Variants in PTPRD observed in about 807,000 individuals in gnomAD.
PTPRD encodes receptor-type tyrosine-protein phosphatase delta.
A neutral mutation model predicts 214.5 loss-of-function variants in PTPRD; 34 were observed. The observed-to-expected ratio is 0.16, with a 90% CI of 0.12 to 0.21. PTPRD has a LOEUF of 0.21. PTPRD is among the 10% of genes least tolerant of loss of function. The probability of loss-of-function intolerance (pLI) is 1.00; values close to 1 mark genes in which losing one functional copy is unlikely to be tolerated. For synonymous variants in PTPRD, 1,128 were observed against 845.7 expected, an observed-to-expected ratio of 1.33 and a Z score of -5.79; for missense variants, 2,545 against 2,398.7, an observed-to-expected ratio of 1.06 and a Z score of -1.27.
At chr9:10,386,923 T>C (rs1304215614) in intron 2 of PTPRD, among the ~76,000 whole-genome samples, 1 of 151,656 alleles carries the variant, frequency 6.6e-6, no homozygotes, top group Non-Finnish European at 1.5e-5. Flanking sequence ...CCAAAGGTCA[T>C]TACAAGATGG....
At chr9:10,303,805 T>C (rs2095953180) in intron 3 of PTPRD, among the ~76,000 whole-genome samples, 1 of 152,128 alleles carries the variant, frequency 6.6e-6, no homozygotes, top group Admixed American at 6.5e-5. Flanking sequence ...CAGGACCAGA[T>C]GGATTCACAG....
intron 2 of PTPRD, among the ~76,000 whole-genome samples, chr9:10,597,557 A>C (rs2076905233): frequency 6.6e-6 from 1 of 151,816 alleles, no homozygotes; most frequent in African/African-American, 2.4e-5. Flanking sequence ...GCATGACTTG[A>C]AACTTTGTTA....
chr9:9,804,804 A>G (rs938872557), intron 5 of PTPRD, among the ~76,000 whole-genome samples: 8 of 151,478 alleles, frequency 5.3e-5, no homozygotes, highest in African/African-American at 1.9e-4. Context: ...CAGATGATTC[A>G]AAATATAATT....
intron 9 of PTPRD, among the ~76,000 whole-genome samples, chr9:9,386,185 A>G (rs1051734902): frequency 2.0e-5 from 3 of 152,114 alleles, no homozygotes; most frequent in African/African-American, 7.2e-5. Context: ...TTCCAATGAC[A>G]TGCATCTTCT....
chr9:10,091,716 A>T (rs557393116), intron 3 of PTPRD, among the ~76,000 whole-genome samples: 14 of 151,492 alleles, frequency 9.2e-5, no homozygotes, highest in Non-Finnish European at 2.1e-4. Context: ...GTCATTTATT[A>T]ATAAGACTGT....
chr9:10,246,802 G>A (rs2092180193), intron 3 of PTPRD, among the ~76,000 whole-genome samples: 1 of 151,796 alleles, frequency 6.6e-6, no homozygotes, highest in Non-Finnish European at 1.5e-5. Flanking sequence ...GCTGAGGCAG[G>A]AGAATCGCTT....
chr9:9,360,892 G>C (rs1418741325), intron 9 of PTPRD, among the ~76,000 whole-genome samples: 2 of 151,000 alleles, frequency 1.3e-5, no homozygotes, highest in African/African-American at 2.4e-5. Flanking sequence ...GGGAAATATA[G>C]CTTAAGGCAA....
At chr9:10,015,972 G>A (rs911382962) in intron 4 of PTPRD, among the ~76,000 whole-genome samples, 4 of 152,076 alleles carry the variant, frequency 2.6e-5, no homozygotes, top group Non-Finnish European at 5.9e-5. Context: ...ACCACACTCT[G>A]TCTACAAGAC....
intron 3 of PTPRD, among the ~76,000 whole-genome samples, chr9:10,127,938 A>G (rs2098831904): frequency 6.6e-6 from 1 of 152,278 alleles, no homozygotes; most frequent in East Asian, 1.9e-4. Context: ...ATCACAAATC[A>G]TATGATCACC....
At chr9:9,817,379 G>C (rs1327935160) in intron 5 of PTPRD, among the ~76,000 whole-genome samples, 1 of 152,064 alleles carries the variant, frequency 6.6e-6, no homozygotes, top group Non-Finnish European at 1.5e-5. Flanking sequence ...CAGAGTAAGG[G>C]ATGACTTTCA....
chr9:9,749,775 T>G (rs945043730), intron 6 of PTPRD, among the ~76,000 whole-genome samples: 2 of 152,186 alleles, frequency 1.3e-5, no homozygotes, highest in African/African-American at 4.8e-5. Flanking sequence ...GTTAGGAGTA[T>G]AGTTATTAGA....
intron 14 of PTPRD, among the ~76,000 whole-genome samples, chr9:8,575,879 G>C (rs1327450592): frequency 6.6e-6 from 1 of 152,158 alleles, no homozygotes; most frequent in Non-Finnish European, 1.5e-5. Context: ...AAGATGCAAA[G>C]ACTAGCTAGG....
At chr9:8,568,027 G>C (rs1048341174) in intron 14 of PTPRD, among the ~76,000 whole-genome samples, 5 of 151,930 alleles carry the variant, frequency 3.3e-5, no homozygotes, top group African/African-American at 9.7e-5. Context: ...ATTTTTAATG[G>C]ATTCTCCTAG....
rs559332926 is a variant in PTPRD at position 9,400,321 on chromosome 9, C to T, written c.-236-2839G>A. ...AACCAAAATTTAACTAAGATACTCT[C>T]CCCAGAGAGAAATATAAAGCAGGGA... On this transcript the variant is annotated intron_variant, in intron 8 of 45. Coordinates refer to ENST00000381196, the MANE Select transcript of PTPRD (RefSeq NM_002839.4). Among the ~76,000 whole-genome samples the T allele has an allele frequency of 2.7e-3, 405 of 151,854 alleles. 1 individual carries two copies. The highest frequency in any genetic ancestry group is 9.0e-3 in the African/African-American group (374 of 41,470).
rs187824987 is a variant in PTPRD, at chr9:8,943,963, A to G, written c.-104+74734T>C. Among the ~76,000 whole-genome samples, 222 of 152,108 alleles carry G rather than the reference A, an allele frequency of 1.5e-3. 2 individuals carry two copies. The highest frequency in any genetic ancestry group is 1.6e-3 in the Non-Finnish European group (112 of 67,912). On this transcript the variant is annotated intron_variant, in intron 11 of 45. Coordinates refer to ENST00000381196, the MANE Select transcript of PTPRD (RefSeq NM_002839.4). ...GGAACAATCAACAAAATGAAGAGAC[A>G]ACACATGGAATGGGAGAAAACATTT... is the stretch of plus-strand genomic sequence containing the variant.
chr9:10,395,520 T>C (rs1358102624), intron 2 of PTPRD, among the ~76,000 whole-genome samples: 3 of 151,928 alleles, frequency 2.0e-5, no homozygotes, highest in African/African-American at 7.2e-5. Flanking sequence ...TTATCCAATA[T>C]ACGACATTGT....
chr9:9,454,340 C>G (rs1332809), intron 8 of PTPRD, among the ~76,000 whole-genome samples: 25,048 of 151,678 alleles, frequency 0.17, 2,289 homozygotes, highest in Middle Eastern at 0.29. Flanking sequence ...ATTGGGAAGA[C>G]ATACCAGCCA....
intron 7 of PTPRD, among the ~76,000 whole-genome samples, chr9:9,694,065 G>A (rs370923275): frequency 1.3e-5 from 2 of 152,176 alleles, no homozygotes; most frequent in Admixed American, 6.6e-5. Flanking sequence ...TGCCTCAAAG[G>A]TTATATAGCT....
At chr9:10,449,963 A>G (rs2098829107) in intron 2 of PTPRD, among the ~76,000 whole-genome samples, 1 of 151,774 alleles carries the variant, frequency 6.6e-6, no homozygotes, top group East Asian at 1.9e-4. Flanking sequence ...GCTCTCTGAA[A>G]CATGTGCTGT....
Sources: allele counts gnomAD v4.1 joint callset (sites outside exome capture counted in the v4.1 genomes callset), GRCh38; gene constraint gnomAD v4.1.1; transcripts MANE v1.5; gene names NCBI Gene and HGNC (gene_info 2026-07-23, HGNC 2026-07-21).